The following SMG7 variants were observed in gnomAD, a reference collection of about 807,000 sequenced individuals.
SMG7 encodes nonsense-mediated mRNA decay factor SMG7.
A neutral mutation model predicts 148.2 loss-of-function variants in SMG7; 34 were observed. The ratio of observed to expected loss-of-function variants is 0.23; its 90% CI spans 0.17 to 0.31. The LOEUF (loss-of-function observed/expected upper bound fraction) is 0.31, where lower values mean the gene tolerates loss of function less well. SMG7 is among the 10% of genes least tolerant of loss of function. SMG7 has a pLI of 1.00. For missense variants in SMG7, 1,114 were observed against 1,408.4 expected (o/e 0.79, Z 3.35); for synonymous variants, 492 against 515.1 (o/e 0.96, Z 0.61).
intron 1 of SMG7, chr1:183,473,010 A>G (rs1044125652): frequency 3.3e-6 from 1 of 303,742 alleles, no homozygotes; most frequent in Admixed American, 5.1e-5. Flanking sequence ...GAGGAGTCTG[A>G]TCCCCGTGGC....
chr1:183,505,465 T>C (rs1660692776), intron 1 of SMG7, among the ~76,000 whole-genome samples: 1 of 152,204 alleles, frequency 6.6e-6, no homozygotes, highest in Non-Finnish European at 1.5e-5. Flanking sequence ...ATCTACTCTT[T>C]AAAAATGAAA....
rs193300242 is a variant in SMG7 at position 183,529,183 on chromosome 1, A to G, written c.707+141A>G. ...CATATAGATTTTTCATAATTTGTGTATAGTCACTGAATTTCATCCAATCAA... is the reference window on the plus strand; with the variant it reads ...CATATAGATTTTTCATAATTTGTGTGTAGTCACTGAATTTCATCCAATCAA... On this transcript the variant is annotated intron_variant, in intron 7 of 22. Coordinates refer to ENST00000688051, the MANE Select transcript of SMG7 (RefSeq NM_001375584.1). 1.8e-4 allele frequency: 168 copies of G among 959,230 alleles called. 1 individual carries two copies. In the African/African-American group the frequency reaches 2.4e-3, roughly 13 times the overall value. 59.4% of individuals were successfully genotyped at this position (959,230 alleles called of 1,614,324 possible).
In SMG7 at chr1:183,537,227, C is replaced by G. The variant is rs1365742791; in HGVS notation, c.1234+12C>G. ...CTCAAGTATTAGTGGTAAGGGCTAC[C>G]CTAACCTTGTGTTGTTGATGTGGTT... On this transcript the variant is annotated intron_variant, in intron 11 of 22. Transcript: ENST00000688051. 2.5e-6 allele frequency: 4 copies of G among 1,588,082 alleles called. No individual in the cohort carries two copies. The African/African-American group carries it at 5.4e-5, about 21-fold the overall frequency.
intron 1 of SMG7, chr1:183,473,011 T>A (rs1651116673): frequency 6.8e-6 from 2 of 292,324 alleles, no homozygotes; most frequent in Admixed American, 5.2e-5. Context: ...AGGAGTCTGA[T>A]CCCCGTGGCA....
chr1:183,512,787 C>T (rs1166833205), intron 1 of SMG7, 50 bp from the exon 2 acceptor site: 7 of 1,493,862 alleles, frequency 4.7e-6, no homozygotes, highest in Non-Finnish European at 6.3e-6. Context: ...AGTTAGGCCT[C>T]GTTTGTTTCT....
chr1:183,477,499 T>C (rs1219967958), intron 1 of SMG7, among the ~76,000 whole-genome samples: 4 of 152,014 alleles, frequency 2.6e-5, no homozygotes, highest in Non-Finnish European at 4.4e-5. Context: ...TGTGCATATG[T>C]GTATATATGC....
Position 183,551,913 on chromosome 1 carries a change from C to T in SMG7, c.3546C>T (p.Thr1182=). Reference sequence around the variant, plus strand: ...AGAAACAGCAACGGGGACAAGGCACCATGAACCCTCCACACTGAGGCCAAA... The same window carrying T: ...AGAAACAGCAACGGGGACAAGGCACTATGAACCCTCCACACTGAGGCCAAA... The part of the protein sequence containing the change: ...QKQKQQRGQG[T]MNPPH The change falls in exon 23 of 23, where the codon ACC becomes ACT. Residue 1182 remains threonine, a synonymous_variant. Transcript: ENST00000688051. 1 of 1,613,676 alleles carries T rather than the reference C, an allele frequency of 6.2e-7. No individual in the cohort carries two copies.
chr1:183,548,599 CTT>C (rs1175587465), intron 18 of SMG7, among the ~76,000 whole-genome samples: 1 of 152,128 alleles, frequency 6.6e-6, no homozygotes, highest in Non-Finnish European at 1.5e-5. Context: ...AAGTGCTTCT[CTT>C]GTCGTAGGTA....
Position 183,475,993 on chromosome 1 carries a change from G to C in SMG7, c.29+3344G>C, listed in dbSNP as rs972160145. Among the ~76,000 whole-genome samples the C allele has an allele frequency of 3.9e-5, 6 of 152,282 alleles. No homozygotes were observed. The East Asian group carries it at 7.7e-4, about 20-fold the overall frequency. On this transcript the variant is annotated intron_variant, in intron 1 of 22. Coordinates refer to ENST00000688051, the MANE Select transcript of SMG7 (RefSeq NM_001375584.1). ...TGGAGCCAGTCTTGTCTCAATCTTA[G>C]GCATTTGTCCTAAGTAAATTAAAAC...
chr1:183,484,125 A>C (rs1441892179), intron 1 of SMG7, among the ~76,000 whole-genome samples: 1 of 152,138 alleles, frequency 6.6e-6, no homozygotes, highest in Non-Finnish European at 1.5e-5. Context: ...GAGAAGATAG[A>C]CACAGTATAA....
At chr1:183,473,048 G>A in intron 1 of SMG7, 1 of 250,756 alleles carries the variant, frequency 4.0e-6, no homozygotes, top group Admixed American at 5.6e-5. Flanking sequence ...GCGTGGGATT[G>A]GTTGGAGCGA....
chr1:183,528,203 A>T (rs1411294364), intron 6 of SMG7, among the ~76,000 whole-genome samples, 176 bp downstream of exon 6: 1 of 152,144 alleles, frequency 6.6e-6, no homozygotes, highest in African/African-American at 2.4e-5. Flanking sequence ...TTTTTTTTAC[A>T]AGTAAGATGA....
intron 4 of SMG7, 149 bp downstream of exon 4, chr1:183,517,969 CAG>C (rs1663924935): frequency 7.3e-6 from 6 of 821,070 alleles, no homozygotes; most frequent in South Asian, 7.0e-5. Context: ...TTTTTGGCGA[CAG>C]AGTCTGACTT....
rs574027943 is a variant in SMG7 at position 183,551,275 on chromosome 1, C to T, written c.3450+85C>T. Reference sequence around the variant, plus strand: ...CATTCACATAAATAGCTAGACTTCTCAGGCCCTCGGAGTTGACTGATACAT... The same window carrying T: ...CATTCACATAAATAGCTAGACTTCTTAGGCCCTCGGAGTTGACTGATACAT... On this transcript the variant is annotated intron_variant, in intron 22 of 22. Transcript: ENST00000688051. 66 of 1,382,108 alleles carry T rather than the reference C, an allele frequency of 4.8e-5. No individual in the cohort carries two copies. In the African/African-American group the frequency reaches 8.5e-4, roughly 18 times the overall value. 85.6% of individuals were successfully genotyped at this position (1,382,108 alleles called of 1,614,324 possible). A position where few individuals can be genotyped will look rare whatever the true frequency, so the allele number is the denominator to read the frequency against.
At chr1:183,506,880 T>G (rs1049596349) in intron 1 of SMG7, among the ~76,000 whole-genome samples, 7 of 145,148 alleles carry the variant, frequency 4.8e-5, no homozygotes, top group Non-Finnish European at 9.1e-5. Flanking sequence ...ATATTCTTTT[T>G]TTTTTTTTTT....
intron 13 of SMG7, among the ~76,000 whole-genome samples, chr1:183,541,722 C>G (rs988968964): frequency 2.6e-5 from 4 of 152,166 alleles, no homozygotes; most frequent in African/African-American, 9.7e-5. Flanking sequence ...AATGAACTTA[C>G]CACCTCCAAG....
chr1:183,544,478 T>C lies in SMG7; in HGVS notation c.1968T>C (p.Pro656=). The stretch of plus-strand genomic sequence containing the variant: ...CCATTCATCACCCTGGAGCCTTCCC[T>C]CCTCTTCCCAGCAGGCCAGGTAAAT... ...FIPIHHPGAF[P]PLPSRPGFPP... is the part of the protein sequence containing the mutation. The change falls in exon 15 of 23, where the codon CCT becomes CCC. Residue 656 remains proline, a synonymous_variant. Coordinates refer to ENST00000688051, the MANE Select transcript of SMG7 (RefSeq NM_001375584.1). The C allele has an allele frequency of 6.2e-7, 1 of 1,613,820 alleles. No individual in the cohort carries two copies. Among genetic ancestry groups the C allele is most frequent in the Non-Finnish European group, 8.5e-7 (1 of 1,179,788 alleles).
chr1:183,519,781 T>G (rs72731468), intron 4 of SMG7, among the ~76,000 whole-genome samples: 610 of 152,336 alleles, frequency 4.0e-3, no homozygotes, highest in Non-Finnish European at 6.5e-3. Flanking sequence ...AAACATAATG[T>G]AAGCTTTTCC....
intron 4 of SMG7, among the ~76,000 whole-genome samples, chr1:183,526,044 G>C (rs1478751932): frequency 1.3e-5 from 2 of 151,388 alleles, no homozygotes; most frequent in Non-Finnish European, 2.9e-5. Context: ...AAATGCTGCT[G>C]TATGCACATC....
Sources: allele counts gnomAD v4.1 joint callset (sites outside exome capture counted in the v4.1 genomes callset), GRCh38; gene constraint gnomAD v4.1.1; transcripts MANE v1.5; gene names NCBI Gene and HGNC (gene_info 2026-07-23, HGNC 2026-07-21).